AKNA: variants seen among roughly 807,000 people sequenced by gnomAD.
AKNA encodes AT-hook transcription factor.
A neutral mutation model predicts 138.8 loss-of-function variants in AKNA; 67 were observed. That is an observed-to-expected ratio of 0.48 (90% CI 0.40 to 0.59). The LOEUF (loss-of-function observed/expected upper bound fraction) is 0.59, where lower values mean the gene tolerates loss of function less well. Ranked by LOEUF, AKNA falls within the 20% of genes least tolerant of loss-of-function variation. The pLI, the probability that AKNA is intolerant of heterozygous loss-of-function variation, is 0.00. For missense variants in AKNA, 1,813 were observed against 1,880.4 expected (o/e 0.96, Z 0.66); for synonymous variants, 737 against 754.4 (o/e 0.98, Z 0.38).
intron 15 of AKNA, 42 bp from the exon 16 acceptor site, chr9:114,347,942 AG>A (rs1436091011): frequency 1.3e-6 from 2 of 1,542,046 alleles, no homozygotes; most frequent in Admixed American, 4.1e-5. Flanking sequence ...CAGAGGCATG[AG>A]GAACAGAGCT....
downstream of AKNA, chr9:114,330,870 C>T (rs369773584): frequency 1.7e-3 from 2,673 of 1,612,276 alleles, 11 homozygotes; most frequent in South Asian, 5.1e-3. Flanking sequence ...ACGGTGAGGG[C>T]CAGCCCTCAG....
chr9:114,345,540 C>T (rs1457312414), intron 18 of AKNA: 3 of 238,538 alleles, frequency 1.3e-5, no homozygotes, highest in East Asian at 1.1e-4. Flanking sequence ...CAGTGTCCAC[C>T]CTGTATGCTC....
chr9:114,379,107 C>T (rs547225729), intron 2 of AKNA, among the ~76,000 whole-genome samples: 3 of 152,360 alleles, frequency 2.0e-5, no homozygotes, highest in African/African-American at 7.2e-5. Flanking sequence ...ACCCAGGCCC[C>T]AGCCATGCAG....
intron 19 of AKNA, among the ~76,000 whole-genome samples, chr9:114,343,061 C>T (rs1030813684): frequency 2.6e-5 from 4 of 152,246 alleles, no homozygotes; most frequent in Non-Finnish European, 5.9e-5. Context: ...CCTTGGTGTC[C>T]TTGTCTATAA....
intron 13 of AKNA, 81 bp downstream of exon 13, chr9:114,356,782 C>T (rs1831528929): frequency 6.5e-6 from 8 of 1,234,818 alleles, no homozygotes; most frequent in Non-Finnish European, 8.9e-6. Context: ...CTCTCTTATT[C>T]TGGGCCATCA....
intron 12 of AKNA, 124 bp downstream of exon 12, chr9:114,357,797 C>CAG (rs1831608930): frequency 6.8e-7 from 1 of 1,463,690 alleles, no homozygotes. Flanking sequence ...TTGTGGCTGG[C>CAG]AGGGACAGGA....
At chr9:114,361,935 C>T (rs1397938845) in intron 8 of AKNA, 24 bp from the exon 9 acceptor site, 1 of 1,598,594 alleles carries the variant, frequency 6.3e-7, no homozygotes, top group Non-Finnish European at 8.5e-7. Flanking sequence ...ACATTACCAC[C>T]AGGAGCCCAA....
chr9:114,346,117 A>C, intron 17 of AKNA, 108 bp from the exon 18 acceptor site: 1 of 1,137,070 alleles, frequency 8.8e-7, no homozygotes, highest in African/African-American at 1.5e-5. Flanking sequence ...CCTGGGTTTT[A>C]ATCCCCAGTC....
intron 8 of AKNA, 69 bp from the exon 9 acceptor site, chr9:114,361,980 G>C: frequency 6.5e-7 from 1 of 1,531,496 alleles, no homozygotes; most frequent in East Asian, 2.3e-5. Context: ...CAGGAACAGA[G>C]TATCAGAGCA....
At chr9:114,332,489 C>A (rs1337921020), downstream of AKNA, among the ~76,000 whole-genome samples, 1 of 152,136 alleles carries the variant, frequency 6.6e-6, no homozygotes, top group Admixed American at 6.5e-5. Context: ...AATCACAGCA[C>A]CGATGAGCTG....
Position 114,356,886 on chromosome 9 carries a change from T to C in AKNA, c.2823A>G (p.Pro941=). The C allele has an allele frequency of 6.4e-7, 1 of 1,564,348 alleles. No individual in the cohort carries two copies. Among genetic ancestry groups the C allele is most frequent in the Non-Finnish European group, 8.6e-7 (1 of 1,161,360 alleles). ...TSRVSPLTQT[P]EHRLSHISTA... is the part of the protein sequence containing the mutation. ...ACCTGATGTGGGAGAGCCGGTGCTC[T>C]GGAGTCTGGGTGAGGGGTGAAACTC... The change falls in exon 13 of 22, where the codon CCA becomes CCG. Residue 941 remains proline (P), a synonymous_variant. Coordinates refer to ENST00000374088, the MANE Select transcript of AKNA (RefSeq NM_001317950.2).
intron 21 of AKNA, 101 bp downstream of exon 21, chr9:114,341,432 G>C: frequency 7.2e-7 from 1 of 1,395,454 alleles, no homozygotes; most frequent in Non-Finnish European, 9.9e-7. Flanking sequence ...TAAAACACAG[G>C]AGGAGTATAC....
chr9:114,369,431 C>G (rs899981927), intron 4 of AKNA, among the ~76,000 whole-genome samples: 2 of 152,214 alleles, frequency 1.3e-5, no homozygotes, highest in African/African-American at 4.8e-5. Context: ...TCCACAAAGC[C>G]AAACATTGTC....
chr9:114,374,717 G>C (rs1403564623), intron 3 of AKNA, among the ~76,000 whole-genome samples: 1 of 152,150 alleles, frequency 6.6e-6, no homozygotes, highest in African/African-American at 2.4e-5. Context: ...ATAAAAACAA[G>C]TCATTGCAGG....
intron 3 of AKNA, among the ~76,000 whole-genome samples, chr9:114,375,376 A>C (rs999161481): frequency 2.6e-5 from 4 of 152,212 alleles, no homozygotes; most frequent in African/African-American, 9.6e-5. Context: ...GAAAGAAAGA[A>C]AGAAAAAGAC....
intron 9 of AKNA, among the ~76,000 whole-genome samples, chr9:114,360,540 C>A (rs190281752): frequency 4.5e-4 from 69 of 152,280 alleles, no homozygotes; most frequent in African/African-American, 1.6e-3. Context: ...CTCAGGTTTT[C>A]TCCCCATTCA....
intron 16 of AKNA, among the ~76,000 whole-genome samples, chr9:114,347,505 C>G (rs957265084): frequency 6.6e-6 from 1 of 152,258 alleles, no homozygotes; most frequent in African/African-American, 2.4e-5. Context: ...GCATGAGCCA[C>G]TGCGCCCGGC....
rs752873450 is a variant in AKNA, at chr9:114,381,103, G to A, written c.231C>T (p.Pro77=). The stretch of plus-strand genomic sequence containing the variant: ...CTGACTCGGAATCCTGATGCCCATC[G>A]GGCTGCGGGTGTGGGTCCCACTCCA... The part of the protein sequence containing the change: ...PPLEWDPHPQ[P]DGHQDSESGE... Residue 77 remains proline, a synonymous_variant, in exon 2 of 22, where the codon CCC becomes CCT. Coordinates refer to ENST00000374088, the MANE Select transcript of AKNA (RefSeq NM_001317950.2). The A allele has an allele frequency of 6.9e-6, 11 of 1,602,036 alleles. No individual in the cohort carries two copies. Among genetic ancestry groups the A allele is most frequent in the East Asian group, 4.5e-5 (2 of 44,766 alleles).
At chr9:114,341,864 C>G (rs1334250664) in intron 20 of AKNA, 139 bp from the exon 21 acceptor site, 3 of 1,318,780 alleles carry the variant, frequency 2.3e-6, no homozygotes, top group Non-Finnish European at 3.2e-6. Flanking sequence ...GGGGAGGTCT[C>G]TCTTTGGGGA....
Sources: allele counts gnomAD v4.1 joint callset (sites outside exome capture counted in the v4.1 genomes callset), GRCh38; gene constraint gnomAD v4.1.1; transcripts MANE v1.5; gene names NCBI Gene and HGNC (gene_info 2026-07-23, HGNC 2026-07-21).